The following FAM227B variants were observed in gnomAD, a reference collection of about 807,000 sequenced individuals.
FAM227B encodes family with sequence similarity 227 member B.
A neutral mutation model predicts 73.8 loss-of-function variants in FAM227B; 88 were observed. The ratio of observed to expected loss-of-function variants is 1.19; its 90% CI spans 1.00 to 1.42. FAM227B has a LOEUF of 1.42. Among genes scored for constraint, FAM227B ranks in the 40% most tolerant of loss-of-function variants. The probability of loss-of-function intolerance (pLI) is 0.00; values close to 1 mark genes in which losing one functional copy is unlikely to be tolerated. For missense variants in FAM227B, 632 were observed against 590.9 expected (o/e 1.07, Z -0.72); for synonymous variants, 210 against 190.5 (o/e 1.10, Z -0.84).
intron 11 of FAM227B, among the ~76,000 whole-genome samples, chr15:49,502,291 A>C (rs2058204718): frequency 6.6e-6 from 1 of 152,200 alleles, no homozygotes; most frequent in African/African-American, 2.4e-5. Context: ...GAATCTGAAA[A>C]AGCCACAGAC....
intron 13 of FAM227B, among the ~76,000 whole-genome samples, chr15:49,363,612 T>TA (rs2044622308): frequency 6.6e-6 from 1 of 152,226 alleles, no homozygotes; most frequent in Admixed American, 6.5e-5. Flanking sequence ...GAATGCCTTT[T>TA]ACTTCTTTCT....
intron 11 of FAM227B, among the ~76,000 whole-genome samples, chr15:49,498,823 TATATC>T (rs2057860888): frequency 6.6e-6 from 1 of 152,174 alleles, no homozygotes; most frequent in Non-Finnish European, 1.5e-5. Context: ...TTGCTATTCT[TATATC>T]AGACAAAACA....
At chr15:49,448,703 C>T (rs1054321188) in intron 11 of FAM227B, among the ~76,000 whole-genome samples, 1 of 151,224 alleles carries the variant, frequency 6.6e-6, no homozygotes, top group African/African-American at 2.4e-5. Context: ...AACTATGTTG[C>T]TTTTAATACA....
At chr15:49,541,628 C>A in intron 10 of FAM227B, 52 bp downstream of exon 10, 4 of 1,329,182 alleles carry the variant, frequency 3.0e-6, no homozygotes, top group Non-Finnish European at 3.9e-6. Flanking sequence ...ACTGCAACCC[C>A]AAAATTTTAG....
chr15:49,430,498 G>A (rs572157433), intron 11 of FAM227B, among the ~76,000 whole-genome samples: 1 of 151,924 alleles, frequency 6.6e-6, no homozygotes, highest in East Asian at 2.0e-4. Flanking sequence ...CTAGAGGGTT[G>A]GCTTAGTCTG....
chr15:49,443,659 G>C (rs1361665380), intron 11 of FAM227B, among the ~76,000 whole-genome samples: 1 of 151,724 alleles, frequency 6.6e-6, no homozygotes, highest in East Asian at 1.9e-4. Flanking sequence ...AGAAGTGAGT[G>C]AAGTTCCAAT....
At chr15:49,457,382 T>A (rs2053406782) in intron 11 of FAM227B, among the ~76,000 whole-genome samples, 1 of 152,034 alleles carries the variant, frequency 6.6e-6, no homozygotes, top group Non-Finnish European at 1.5e-5. Context: ...GAGAGATAAC[T>A]TTTTTAAAAA....
intron 8 of FAM227B, among the ~76,000 whole-genome samples, chr15:49,571,394 T>C (rs772200634): frequency 4.1e-4 from 63 of 152,002 alleles, no homozygotes; most frequent in Admixed American, 3.7e-3. Flanking sequence ...TTTTGTTGCC[T>C]GTACATTTGG....
At chr15:49,431,054 C>T (rs1357712633) in intron 11 of FAM227B, among the ~76,000 whole-genome samples, 2 of 151,854 alleles carry the variant, frequency 1.3e-5, no homozygotes, top group African/African-American at 2.4e-5. Context: ...ACTTCTCTAA[C>T]ATCACTATTG....
At chr15:49,581,176 C>G (rs2075787634) in intron 5 of FAM227B, among the ~76,000 whole-genome samples, 1 of 152,102 alleles carries the variant, frequency 6.6e-6, no homozygotes, top group Non-Finnish European at 1.5e-5. Flanking sequence ...ACATAGTTAT[C>G]AGATTCTCCA....
At chr15:49,379,743 G>T (rs991137297) in intron 11 of FAM227B, among the ~76,000 whole-genome samples, 5 of 152,252 alleles carry the variant, frequency 3.3e-5, no homozygotes, top group African/African-American at 9.6e-5. Context: ...TCCCAAACAG[G>T]GTTTCTTTCT....
At chr15:49,355,915 A>G (rs1199525132) in intron 13 of FAM227B, among the ~76,000 whole-genome samples, 1 of 152,010 alleles carries the variant, frequency 6.6e-6, no homozygotes, top group African/African-American at 2.4e-5. Context: ...TACAAGCCAG[A>G]AGAGAGTGGG....
At chr15:49,593,315 G>A (rs573621503) in intron 3 of FAM227B, among the ~76,000 whole-genome samples, 2 of 152,150 alleles carry the variant, frequency 1.3e-5, no homozygotes, top group East Asian at 3.9e-4. Context: ...CGGCCATTTT[G>A]GAACTGCTCT....
At chr15:49,512,952 T>C (rs947709068) in intron 10 of FAM227B, among the ~76,000 whole-genome samples, 1 of 152,194 alleles carries the variant, frequency 6.6e-6, no homozygotes, top group African/African-American at 2.4e-5. Flanking sequence ...CGTGGCTGCA[T>C]AGTATTCCAT....
At chr15:49,476,511 TAC>T (rs1224005866) in intron 11 of FAM227B, among the ~76,000 whole-genome samples, 1 of 152,044 alleles carries the variant, frequency 6.6e-6, no homozygotes, top group African/African-American at 2.4e-5. Flanking sequence ...ATTATGACCT[TAC>T]TCCTCTTTAC....
chr15:49,460,187 T>C (rs1297978685), intron 11 of FAM227B, among the ~76,000 whole-genome samples: 1 of 152,100 alleles, frequency 6.6e-6, no homozygotes, highest in Non-Finnish European at 1.5e-5. Context: ...TTTTTCCTAG[T>C]ACCTGCCAAA....
Position 49,401,111 on chromosome 15 carries a change from G to A in FAM227B, c.1013-29712C>T, listed in dbSNP as rs952728492. ...TTCGCAAACTACTCATCTGACAAAG[G>A]GCTAATATCCAGAATCTACAATGAA... On this transcript the variant is annotated intron_variant, in intron 11 of 15. Coordinates refer to ENST00000299338, the MANE Select transcript of FAM227B (RefSeq NM_152647.3). Among the ~76,000 whole-genome samples, 17 of 152,294 alleles carry A rather than the reference G, an allele frequency of 1.1e-4. No individual in the cohort carries two copies. The East Asian group carries it at 2.7e-3, about 24-fold the overall frequency.
intron 10 of FAM227B, among the ~76,000 whole-genome samples, chr15:49,520,382 C>G (rs528910874): frequency 6.6e-6 from 1 of 152,132 alleles, no homozygotes; most frequent in Non-Finnish European, 1.5e-5. Context: ...CTGTTTCAAC[C>G]TCTCTGCCTG....
intron 1 of FAM227B, 134 bp downstream of exon 1, chr15:49,620,566 C>A (rs1057407642): frequency 6.6e-6 from 1 of 152,162 alleles, no homozygotes; most frequent in Non-Finnish European, 1.5e-5. Flanking sequence ...GCTTTCATTA[C>A]CACACAGCAC....
Sources: allele counts gnomAD v4.1 joint callset (sites outside exome capture counted in the v4.1 genomes callset), GRCh38; gene constraint gnomAD v4.1.1; transcripts MANE v1.5; gene names NCBI Gene and HGNC (gene_info 2026-07-23, HGNC 2026-07-21).